The following ABCB9 variants were observed in gnomAD, a reference collection of about 807,000 sequenced individuals.
ABCB9 encodes the protein ABC-type oligopeptide transporter ABCB9.
ABCB9 carries 36 observed loss-of-function variants against 62.0 expected under a neutral mutation model. The ratio of observed to expected loss-of-function variants is 0.58; its 90% CI spans 0.45 to 0.77. The LOEUF (loss-of-function observed/expected upper bound fraction) is 0.77. ABCB9 is among the 30% of genes least tolerant of loss of function. The pLI is 0.00. For synonymous variants in ABCB9, 435 were observed against 461.4 expected (o/e 0.94, Z 0.73); for missense variants, 943 against 1,054.7 (o/e 0.89, Z 1.47).
At chr12:122,966,221 T>C (rs1168715595) in intron 1 of ABCB9, 66 bp downstream of exon 1, 1 of 152,258 alleles carries the variant, frequency 6.6e-6, no homozygotes, top group African/African-American at 2.4e-5. Context: ...CCCCAACGCG[T>C]GCCTGGCCTG....
intron 3 of ABCB9, among the ~76,000 whole-genome samples, chr12:122,950,138 C>G (rs2036282944): frequency 6.6e-6 from 1 of 152,208 alleles, no homozygotes; most frequent in African/African-American, 2.4e-5. Flanking sequence ...GCCAGCCAGA[C>G]CCTCTTCCTT....
At chr12:122,943,151 C>T (rs554959289) in intron 7 of ABCB9, among the ~76,000 whole-genome samples, 15 of 152,228 alleles carry the variant, frequency 9.9e-5, no homozygotes, top group Non-Finnish European at 1.9e-4. Context: ...GTGTAAACAC[C>T]CCAGCTCCCT....
In ABCB9 at chr12:122,949,485, G is replaced by A. The variant is rs1021932121; in HGVS notation, c.847+303C>T. On this transcript the variant is annotated intron_variant, in intron 4 of 11. Coordinates refer to ENST00000280560, the MANE Select transcript of ABCB9 (RefSeq NM_019625.4). ...AGCAGGGTCTCTGTCGGCCACAGGC[G>A]TGGGTAGTCCTGGACCTGGTGGTTT... Among the ~76,000 whole-genome samples the A allele has an allele frequency of 5.3e-5, 8 of 152,316 alleles. No homozygotes were observed. The South Asian group carries it at 1.0e-3, about 20-fold the overall frequency.
At chr12:122,943,802 GTCTC>G (rs1257060733) in intron 7 of ABCB9, among the ~76,000 whole-genome samples, 2 of 150,614 alleles carry the variant, frequency 1.3e-5, no homozygotes, top group Non-Finnish European at 3.0e-5. Flanking sequence ...TTGAGACACG[GTCTC>G]TCTCTGTCGT....
chr12:122,944,629 C>T lies in ABCB9; in HGVS notation c.1252-110G>A. 1.4e-6 allele frequency: 2 copies of T among 1,475,996 alleles called. No homozygotes were observed. The highest frequency in any genetic ancestry group is 2.3e-5 in the East Asian group (1 of 42,898). 91.4% of individuals were successfully genotyped at this position (1,475,996 alleles called of 1,614,324 possible). A position where few individuals can be genotyped will look rare whatever the true frequency, so the allele number is the denominator to read the frequency against. On this transcript the variant is annotated intron_variant, in intron 6 of 11. Transcript: ENST00000280560. The surrounding 1 kb of genome is among the most constrained non-coding windows in gnomAD (Gnocchi z 4.9). ...GGGGAGGTGAGGGCAGACCCAGCCA[C>T]AAACTGAAATGCCGGCCGTTGGCAG...
Position 122,929,586 on chromosome 12 carries a change from T to C in ABCB9, c.*325A>G. Reference sequence around the variant, plus strand: ...TTACTCCCAATTAGAAAAAGGTTTTTGAAATCTAGGAGTTGACTGGGGTGC... The same window carrying C: ...TTACTCCCAATTAGAAAAAGGTTTTCGAAATCTAGGAGTTGACTGGGGTGC... On this transcript the variant is annotated 3_prime_UTR_variant, in exon 12 of 12. Coordinates refer to ENST00000280560, the MANE Select transcript of ABCB9 (RefSeq NM_019625.4). The surrounding 1 kb of genome is among the most constrained non-coding windows in gnomAD (Gnocchi z 6.0). The C allele has an allele frequency of 8.8e-7, 1 of 1,142,438 alleles. No individual in the cohort carries two copies. The highest frequency in any genetic ancestry group is 1.1e-6 in the Non-Finnish European group (1 of 931,362). 70.8% of individuals were successfully genotyped at this position (1,142,438 alleles called of 1,614,324 possible).
chr12:122,974,893 C>G, exon 1 of ABCB9: 1 of 190,312 alleles, frequency 5.3e-6, no homozygotes, highest in Non-Finnish European at 1.1e-5. Context: ...TGGTTCTCCA[C>G]GAGCTCCGGG....
Position 122,932,280 on chromosome 12 carries a change from AC to A in ABCB9, c.1951del (p.Val651TrpfsTer30). ...CCGCACCAGAGCCCGGGCCATGGCC[AC>A]CCGCTGCTTCTGGCCACCTGACAGC... ...AQLSGGQKQR[V>X]AMARALVRNP... On this transcript the variant is annotated frameshift_variant, in exon 11 of 12. Coordinates refer to ENST00000280560, the MANE Select transcript of ABCB9 (RefSeq NM_019625.4). LOFTEE classifies it high-confidence loss of function. This position sits in a 1 kb window ranked among gnomAD's most constrained non-coding sequence, Gnocchi z 4.7. The A allele has an allele frequency of 6.4e-7, 1 of 1,551,344 alleles. No homozygotes were observed. The highest frequency in any genetic ancestry group is 8.7e-7 in the Non-Finnish European group (1 of 1,147,100).
chr12:122,973,593 AAAAAAAAAAAAAAAAAC>A (rs2037318104), intron 1 of ABCB9, among the ~76,000 whole-genome samples: 7 of 137,214 alleles, frequency 5.1e-5, no homozygotes, highest in South Asian at 2.2e-4. Flanking sequence ...AAAAAAAAAA[AAAAAAAAAAAAAAAAAC>A]AAAAACTTTG....
At chr12:122,939,028 C>A (rs1388031890) in intron 9 of ABCB9, among the ~76,000 whole-genome samples, 2 of 151,814 alleles carry the variant, frequency 1.3e-5, no homozygotes, top group African/African-American at 4.8e-5. Flanking sequence ...AAAAATTAGT[C>A]AGGCATGGTG....
intron 1 of ABCB9, among the ~76,000 whole-genome samples, chr12:122,962,941 T>C (rs2036981849): frequency 6.6e-6 from 1 of 152,104 alleles, no homozygotes; most frequent in Admixed American, 6.6e-5. Flanking sequence ...GATTCATAGG[T>C]GTCTGAGCCC....
At chr12:122,973,968 C>T (rs929876085) in intron 1 of ABCB9, among the ~76,000 whole-genome samples, 15 of 152,254 alleles carry the variant, frequency 9.9e-5, no homozygotes, top group African/African-American at 2.4e-4. Context: ...CTGCTTGAAT[C>T]CGGGAGGCAG....
intron 10 of ABCB9, 110 bp downstream of exon 10, chr12:122,935,162 A>C: frequency 7.6e-7 from 1 of 1,316,316 alleles, no homozygotes. Context: ...GCGGGACCCC[A>C]TCTCTACAAA....
intron 10 of ABCB9, among the ~76,000 whole-genome samples, chr12:122,934,235 G>A (rs1430757074): frequency 1.3e-5 from 2 of 152,142 alleles, no homozygotes; most frequent in African/African-American, 2.4e-5. Context: ...GCGACAGAGT[G>A]AGACTGTCTC....
upstream of ABCB9, among the ~76,000 whole-genome samples, chr12:122,969,179 C>T (rs1254835031): frequency 6.8e-6 from 1 of 147,386 alleles, no homozygotes; most frequent in Non-Finnish European, 1.5e-5. Context: ...TTTCCACCCC[C>T]CCCCCCCCCC....
chr12:122,927,819 G>C (rs1277850089), downstream of ABCB9, among the ~76,000 whole-genome samples: 1 of 152,162 alleles, frequency 6.6e-6, no homozygotes, highest in Non-Finnish European at 1.5e-5. Flanking sequence ...GTTGGTCCTC[G>C]GTTTTGTCAA....
chr12:122,922,199 G>A (rs1273750611), intron 11 of ABCB9, among the ~76,000 whole-genome samples: 1 of 152,074 alleles, frequency 6.6e-6, no homozygotes. Context: ...TCATGCCAGG[G>A]TTTGTTTAGT....
intron 1 of ABCB9, among the ~76,000 whole-genome samples, chr12:122,974,294 G>A (rs2037344481): frequency 6.6e-6 from 1 of 152,170 alleles, no homozygotes; most frequent in Non-Finnish European, 1.5e-5. Flanking sequence ...CAAGACGACT[G>A]TAAAACGTTA....
chr12:122,934,346 CT>C (rs1218790754), intron 10 of ABCB9, among the ~76,000 whole-genome samples: 2 of 152,136 alleles, frequency 1.3e-5, no homozygotes, highest in African/African-American at 4.8e-5. Context: ...CCCAACCCCC[CT>C]ATACATTGTA....
Sources: gnomAD v4.1 joint callset for allele counts (sites outside exome capture counted in the v4.1 genomes callset) on GRCh38, gnomAD v4.1.1 for gene constraint, Gnocchi (gnomAD v3.1) non-coding constraint, MANE v1.5 for transcripts, NCBI Gene and HGNC (gene_info 2026-07-23, HGNC 2026-07-21) for gene names.